Variants in SNX29 observed in about 807,000 individuals in gnomAD.
SNX29 encodes the protein sorting nexin-29.
In SNX29, 78 loss-of-function variants were observed where a neutral mutation model predicts 102.1. That is an observed-to-expected ratio of 0.76 (90% CI 0.64 to 0.92). SNX29 has a LOEUF of 0.92. Among genes scored for constraint, SNX29 ranks in the 40% least tolerant of loss-of-function variants. SNX29 has a pLI of 0.00. For missense variants in SNX29, 1,280 were observed against 1,061.7 expected, an observed-to-expected ratio of 1.21 and a Z score of -2.86; for synonymous variants, 580 against 414.5, an observed-to-expected ratio of 1.40 and a Z score of -4.85.
chr16:12,558,492 C>T (rs969667691), intron 20 of SNX29, among the ~76,000 whole-genome samples: 1 of 152,200 alleles, frequency 6.6e-6, no homozygotes, highest in Non-Finnish European at 1.5e-5. Context: ...CACAGTGCAT[C>T]TTTAGTTTTT....
At chr16:12,566,209 G>A (rs1216144813) in intron 20 of SNX29, among the ~76,000 whole-genome samples, 3 of 152,194 alleles carry the variant, frequency 2.0e-5, no homozygotes, top group Non-Finnish European at 4.4e-5. Flanking sequence ...ACAGTACTAG[G>A]ATATGCTTAT....
intron 20 of SNX29, among the ~76,000 whole-genome samples, chr16:12,566,587 C>G (rs1209941193): frequency 1.3e-5 from 2 of 152,182 alleles, no homozygotes; most frequent in Admixed American, 1.3e-4. Flanking sequence ...ACATCCAAGC[C>G]TTCCTGTATC....
intron 13 of SNX29, among the ~76,000 whole-genome samples, chr16:12,191,160 C>A (rs1311728556): frequency 6.6e-6 from 1 of 152,158 alleles, no homozygotes; most frequent in Non-Finnish European, 1.5e-5. Flanking sequence ...ATGCCCAGTT[C>A]ACAATAGGGT....
At chr16:12,550,402 G>T (rs368791267) in intron 20 of SNX29, among the ~76,000 whole-genome samples, 2 of 152,070 alleles carry the variant, frequency 1.3e-5, no homozygotes, top group African/African-American at 2.4e-5. Flanking sequence ...AGGCATGGTG[G>T]TGCACGCCTG....
chr16:12,240,275 C>T (rs75333297), intron 14 of SNX29, among the ~76,000 whole-genome samples: 5,948 of 152,296 alleles, frequency 0.039, 417 homozygotes, highest in African/African-American at 0.14. Context: ...TTGGCAAAGA[C>T]TGTCAACATG....
At chr16:12,543,809 C>T (rs1341625104) in intron 20 of SNX29, among the ~76,000 whole-genome samples, 1 of 152,194 alleles carries the variant, frequency 6.6e-6, no homozygotes, top group Non-Finnish European at 1.5e-5. Flanking sequence ...TTCTCCCAGC[C>T]CATGAGACAG....
At chr16:12,157,230 CTGG>C (rs1205436842) in intron 13 of SNX29, among the ~76,000 whole-genome samples, 18 of 152,276 alleles carry the variant, frequency 1.2e-4, no homozygotes, top group African/African-American at 4.3e-4. Context: ...CCTCAAGGTG[CTGG>C]CTGTCTCCAC....
At chr16:12,386,736 G>C (rs2083354917) in intron 16 of SNX29, among the ~76,000 whole-genome samples, 1 of 152,200 alleles carries the variant, frequency 6.6e-6, no homozygotes, top group Non-Finnish European at 1.5e-5. Flanking sequence ...AAGTGCCTAT[G>C]CCTGCTCACT....
At chr16:12,548,080 A>C (rs545544160) in intron 20 of SNX29, among the ~76,000 whole-genome samples, 1 of 152,214 alleles carries the variant, frequency 6.6e-6, no homozygotes, top group African/African-American at 2.4e-5. Context: ...GCATGACATA[A>C]AAAGATGTTG....
At chr16:12,293,786 T>C (rs572403411) in intron 15 of SNX29, among the ~76,000 whole-genome samples, 20 of 152,350 alleles carry the variant, frequency 1.3e-4, no homozygotes, top group African/African-American at 4.3e-4. Context: ...TTCTGTTCTT[T>C]TGGAAAGCTG....
At chr16:12,242,813 C>T (rs558796913) in intron 14 of SNX29, among the ~76,000 whole-genome samples, 28 of 152,098 alleles carry the variant, frequency 1.8e-4, no homozygotes, top group Non-Finnish European at 3.2e-4. Flanking sequence ...CCCACCACCA[C>T]GCCTTGCTGG....
intron 1 of SNX29, among the ~76,000 whole-genome samples, chr16:11,984,383 A>AAAAAAGAAAAG (rs71139570): frequency 6.9e-6 from 1 of 145,092 alleles, no homozygotes; most frequent in South Asian, 2.2e-4. Flanking sequence ...TCAAAAAAAA[A>AAAAAAGAAAAG]AAAAGAAAAG....
In SNX29 at chr16:12,027,303, C is replaced by G; in HGVS notation, c.123-17C>G. ...CCCTTTTCTGGGGGGACTGATGAGT[C>G]ATTGGTTTTCTCACAGGGTCACCTG... On this transcript the variant is annotated splice_polypyrimidine_tract_variant and intron_variant, in intron 3 of 20. Transcript: ENST00000566228. The G allele has an allele frequency of 1.2e-6, 2 of 1,613,110 alleles. No homozygotes were observed. Among genetic ancestry groups the G allele is most frequent in the Non-Finnish European group, 1.7e-6 (2 of 1,179,426 alleles).
intron 13 of SNX29, among the ~76,000 whole-genome samples, chr16:12,195,312 G>A (rs1194240898): frequency 6.6e-6 from 1 of 152,186 alleles, no homozygotes; most frequent in Non-Finnish European, 1.5e-5. Flanking sequence ...TTTGCAGCCA[G>A]CTTCTTTCTT....
intron 13 of SNX29, among the ~76,000 whole-genome samples, chr16:12,174,947 A>C (rs1013690118): frequency 2.0e-5 from 3 of 152,076 alleles, no homozygotes; most frequent in Admixed American, 6.5e-5. Flanking sequence ...AAAACAACCA[A>C]TTATCTTGTC....
At chr16:12,299,865 T>C (rs568439472) in intron 15 of SNX29, among the ~76,000 whole-genome samples, 1 of 151,534 alleles carries the variant, frequency 6.6e-6, no homozygotes, top group Non-Finnish European at 1.5e-5. Context: ...ATGGCATAAA[T>C]AAAATTTCTT....
intron 15 of SNX29, among the ~76,000 whole-genome samples, chr16:12,311,193 G>A (rs755277605): frequency 5.3e-5 from 8 of 151,976 alleles, no homozygotes; most frequent in Non-Finnish European, 7.4e-5. Context: ...GTTTTTTTCT[G>A]AACCCCCCGC....
intron 10 of SNX29, among the ~76,000 whole-genome samples, chr16:12,071,020 G>GT (rs1175679274): frequency 6.6e-6 from 1 of 151,702 alleles, no homozygotes; most frequent in African/African-American, 2.4e-5. Flanking sequence ...TGATGGGGTT[G>GT]TTTTTTTCTT....
At chr16:12,424,651 C>G (rs2084987620) in intron 18 of SNX29, among the ~76,000 whole-genome samples, 1 of 152,146 alleles carries the variant, frequency 6.6e-6, no homozygotes, top group South Asian at 2.1e-4. Flanking sequence ...ATGAAGCAAG[C>G]AGGAATCAGG....
Sources: gnomAD v4.1 joint callset for allele counts (sites outside exome capture counted in the v4.1 genomes callset) on GRCh38, gnomAD v4.1.1 for gene constraint, MANE v1.5 for transcripts, NCBI Gene and HGNC (gene_info 2026-07-23, HGNC 2026-07-21) for gene names.